Variants in PCDH15 observed in about 807,000 individuals in gnomAD.
PCDH15 encodes protocadherin-15.
A neutral mutation model predicts 178.5 loss-of-function variants in PCDH15; 129 were observed. The ratio of observed to expected loss-of-function variants is 0.72; its 90% confidence interval spans 0.63 to 0.84. The LOEUF (loss-of-function observed/expected upper bound fraction) is 0.84, where lower values mean the gene tolerates loss of function less well. Among genes scored for constraint, PCDH15 ranks in the 40% least tolerant of loss-of-function variants. The probability of loss-of-function intolerance (pLI) is 0.00; values close to 1 mark genes in which losing one functional copy is unlikely to be tolerated. For missense variants in PCDH15, 2,230 were observed against 2,099.9 expected (o/e 1.06, Z -1.21); for synonymous variants, 800 against 732.0 (o/e 1.09, Z -1.50).
At chr10:55,343,310 C>A (rs1844653295) in intron 2 of PCDH15, among the ~76,000 whole-genome samples, 1 of 152,056 alleles carries the variant, frequency 6.6e-6, no homozygotes, top group African/African-American at 2.4e-5. Context: ...TGTATGCTAT[C>A]AAAAACAAAA....
intron 2 of PCDH15, among the ~76,000 whole-genome samples, chr10:54,652,322 C>T (rs2094280739): frequency 6.6e-6 from 1 of 152,146 alleles, no homozygotes; most frequent in Non-Finnish European, 1.5e-5. Flanking sequence ...TGCATCTGAG[C>T]ACTCTGCATT....
intron 2 of PCDH15, among the ~76,000 whole-genome samples, chr10:55,612,624 G>A (rs992389928): frequency 6.6e-6 from 1 of 152,072 alleles, no homozygotes; most frequent in Non-Finnish European, 1.5e-5. Context: ...TCATATATTT[G>A]CAAAGTTTTT....
At chr10:55,331,048 C>T (rs1011867097) in intron 2 of PCDH15, among the ~76,000 whole-genome samples, 5 of 151,796 alleles carry the variant, frequency 3.3e-5, no homozygotes, top group Admixed American at 3.3e-4. Flanking sequence ...AAGATACTTA[C>T]GATTTCTTAA....
intron 2 of PCDH15, among the ~76,000 whole-genome samples, chr10:55,560,443 G>A (rs569296840): frequency 6.6e-6 from 1 of 151,936 alleles, no homozygotes; most frequent in South Asian, 2.1e-4. Flanking sequence ...TTAATTGATA[G>A]TGAATTAAAA....
intron 2 of PCDH15, among the ~76,000 whole-genome samples, chr10:54,556,024 G>A (rs944238588): frequency 1.3e-5 from 2 of 152,142 alleles, no homozygotes; most frequent in Non-Finnish European, 2.9e-5. Flanking sequence ...CGAATACTAT[G>A]CACTAGTCCT....
rs79402344 is a variant in PCDH15, at chr10:55,520,913, A to G, written c.-156+106712T>C. On this transcript the variant is annotated intron_variant, in intron 2 of 5. Transcript: ENST00000613346. The stretch of plus-strand genomic sequence containing the variant: ...GCTAATTAACATATTATCACCTTAC[A>G]TAATTATTATTGTGTGTGTTTGTCT... Among the ~76,000 whole-genome samples, 462 of 152,020 alleles carry G rather than the reference A, an allele frequency of 3.0e-3. 1 individual carries two copies. The highest frequency in any genetic ancestry group is 0.01 in the African/African-American group (424 of 41,532).
chr10:54,357,818 A>T (rs1007050879), intron 5 of PCDH15, among the ~76,000 whole-genome samples: 2 of 152,120 alleles, frequency 1.3e-5, no homozygotes, highest in East Asian at 3.9e-4. Context: ...AAACAGAGAT[A>T]TAGATCAATG....
intron 3 of PCDH15, among the ~76,000 whole-genome samples, chr10:54,442,306 T>G (rs1275350482): frequency 6.7e-6 from 1 of 148,510 alleles, no homozygotes; most frequent in Non-Finnish European, 1.5e-5. Context: ...AAACCGTGGA[T>G]TAAATCCATA....
chr10:54,670,149 T>C (rs1327328190), intron 1 of PCDH15, among the ~76,000 whole-genome samples: 1 of 152,168 alleles, frequency 6.6e-6, no homozygotes, highest in Non-Finnish European at 1.5e-5. Context: ...ATAAAATTGA[T>C]GAAAATCATT....
chr10:55,007,820 G>T (rs1466400371), intron 2 of PCDH15, among the ~76,000 whole-genome samples: 2 of 151,760 alleles, frequency 1.3e-5, no homozygotes, highest in Admixed American at 6.6e-5. Context: ...AGATGTAAAT[G>T]GTATAAAAAT....
intron 1 of PCDH15, among the ~76,000 whole-genome samples, chr10:54,791,982 C>A (rs965942318): frequency 1.3e-5 from 2 of 151,774 alleles, no homozygotes; most frequent in Admixed American, 6.6e-5. Context: ...GTACACAACA[C>A]AATTAATGAG....
intron 3 of PCDH15, among the ~76,000 whole-genome samples, chr10:54,830,358 G>A (rs1953202030): frequency 6.6e-6 from 1 of 152,068 alleles, no homozygotes; most frequent in African/African-American, 2.4e-5. Context: ...TGATAGACTG[G>A]ATTAACAAAA....
intron 2 of PCDH15, among the ~76,000 whole-genome samples, chr10:55,424,426 T>C (rs1838701326): frequency 6.6e-6 from 1 of 152,164 alleles, no homozygotes; most frequent in Non-Finnish European, 1.5e-5. Flanking sequence ...TCTGTCCTGG[T>C]CTTACACTAT....
intron 3 of PCDH15, among the ~76,000 whole-genome samples, chr10:54,420,966 G>A (rs1272232586): frequency 6.6e-6 from 1 of 152,010 alleles, no homozygotes; most frequent in Non-Finnish European, 1.5e-5. Flanking sequence ...GGCTTTAATA[G>A]GCATTTGAAT....
intron 3 of PCDH15, among the ~76,000 whole-genome samples, chr10:54,425,064 G>T (rs531141424): frequency 6.6e-6 from 1 of 151,050 alleles, no homozygotes; most frequent in South Asian, 2.1e-4. Flanking sequence ...GGTTGAAAAT[G>T]TGCTTCAGCA....
chr10:54,495,463 G>A (rs1015342334), intron 3 of PCDH15, among the ~76,000 whole-genome samples: 4 of 152,138 alleles, frequency 2.6e-5, no homozygotes, highest in East Asian at 1.9e-4. Context: ...CATAGAACTC[G>A]ATCCATAATA....
intron 1 of PCDH15, among the ~76,000 whole-genome samples, chr10:54,771,158 G>A (rs1375218247): frequency 2.0e-5 from 3 of 152,020 alleles, no homozygotes; most frequent in South Asian, 4.1e-4. Context: ...AACCTTCATG[G>A]TCTATTTCTG....
At chr10:54,024,960 A>G (rs2093038454) in intron 18 of PCDH15, among the ~76,000 whole-genome samples, 2 of 152,106 alleles carry the variant, frequency 1.3e-5, no homozygotes, top group African/African-American at 4.8e-5. Flanking sequence ...TAATAATAAT[A>G]CCCTTAAAAA....
At chr10:55,263,045 G>T (rs556711364) in intron 1 of PCDH15, among the ~76,000 whole-genome samples, 46 of 152,138 alleles carry the variant, frequency 3.0e-4, no homozygotes, top group Admixed American at 1.5e-3. Flanking sequence ...CACATGCCCT[G>T]TGATGGGGAT....
Sources: gnomAD v4.1 joint callset for allele counts (sites outside exome capture counted in the v4.1 genomes callset) on GRCh38, gnomAD v4.1.1 for gene constraint, MANE v1.5 for transcripts, NCBI Gene and HGNC (gene_info 2026-07-23, HGNC 2026-07-21) for gene names.